The following CBFA2T3 variants were observed in gnomAD, a reference collection of about 807,000 sequenced individuals.
The protein encoded by CBFA2T3 is CBFA2/RUNX1 partner transcriptional co-repressor 3.
In CBFA2T3, 31 loss-of-function variants were observed where a neutral mutation model predicts 58.6. The observed-to-expected ratio is 0.53, with a 90% CI of 0.40 to 0.71. The LOEUF (loss-of-function observed/expected upper bound fraction) is 0.71, where lower values mean the gene tolerates loss of function less well. Among genes scored for constraint, CBFA2T3 ranks in the 30% least tolerant of loss-of-function variants. The pLI, the probability that CBFA2T3 is intolerant of heterozygous loss-of-function variation, is 0.00. For missense variants in CBFA2T3, 1,076 were observed against 963.1 expected, an observed-to-expected ratio of 1.12 and a Z score of -1.55; for synonymous variants, 531 against 421.9, an observed-to-expected ratio of 1.26 and a Z score of -3.17.
chr16:88,905,727 A>G (rs1293993004), intron 1 of CBFA2T3, among the ~76,000 whole-genome samples: 14 of 30,980 alleles, frequency 4.5e-4, no homozygotes, highest in Non-Finnish European at 6.4e-4. Flanking sequence ...GCGGGGCTGA[A>G]GGAGGGGCGG....
rs939999470 is a variant in CBFA2T3, at chr16:88,977,181, C to A, written c.-374G>T. On this transcript the variant is annotated 5_prime_UTR_variant, in exon 1 of 12. Transcript: ENST00000268679. ...GAACCATCTGGGGCCCTGCCCTGCG[C>A]GGCCTTCCCTCGGGCCATTCCGGTT... 2 of 274,650 alleles carry A rather than the reference C, an allele frequency of 7.3e-6. No homozygotes were observed. The highest frequency in any genetic ancestry group is 1.4e-5 in the Non-Finnish European group (2 of 143,274). 17.0% of individuals were successfully genotyped at this position (274,650 alleles called of 1,614,324 possible).
At chr16:88,933,980 T>C (rs1426041857) in intron 1 of CBFA2T3, among the ~76,000 whole-genome samples, 3 of 152,204 alleles carry the variant, frequency 2.0e-5, no homozygotes. Flanking sequence ...TAAAAATCAG[T>C]GCATGTCGAA....
intron 3 of CBFA2T3, 94 bp from the exon 4 acceptor site, chr16:88,892,579 C>T (rs980643368): frequency 2.8e-6 from 4 of 1,405,322 alleles, no homozygotes; most frequent in Non-Finnish European, 4.0e-6. Flanking sequence ...ACTAAGGTGA[C>T]AATGTCAAAA....
chr16:88,963,253 A>ATCTTCTGCCAGGGGTGGGCGCTCG (rs71158772), intron 1 of CBFA2T3, among the ~76,000 whole-genome samples: 35,622 of 114,386 alleles, frequency 0.31, 8,180 homozygotes, highest in Middle Eastern at 0.56. Flanking sequence ...GTGGGCGCTC[A>ATCTTCTGCCAGGGGTGGGCGCTCG]TCTTCTGCCA....
intron 1 of CBFA2T3, among the ~76,000 whole-genome samples, chr16:88,945,570 G>A (rs1597775091): frequency 6.6e-6 from 1 of 152,334 alleles, no homozygotes; most frequent in Non-Finnish European, 1.5e-5. Flanking sequence ...CACAGGAAAC[G>A]ATGCCCAGCA....
At chr16:88,976,291 A>T (rs1972858554) in intron 1 of CBFA2T3, among the ~76,000 whole-genome samples, 1 of 152,226 alleles carries the variant, frequency 6.6e-6, no homozygotes, top group East Asian at 1.9e-4. Flanking sequence ...AGGGCATCCC[A>T]GGAGGAGGAG....
intron 1 of CBFA2T3, among the ~76,000 whole-genome samples, chr16:88,923,650 C>T (rs948244733): frequency 2.0e-4 from 31 of 152,206 alleles, no homozygotes; most frequent in African/African-American, 7.0e-4. Context: ...CAGCACAGCT[C>T]GGGGAGGGAG....
chr16:88,914,493 A>G (rs1276785180), intron 1 of CBFA2T3, among the ~76,000 whole-genome samples: 1 of 152,218 alleles, frequency 6.6e-6, no homozygotes, highest in African/African-American at 2.4e-5. Context: ...TCTATTTTGG[A>G]AATAAAAACA....
chr16:88,894,403 GCA>G (rs554972109), intron 3 of CBFA2T3, among the ~76,000 whole-genome samples: 44 of 109,442 alleles, frequency 4.0e-4, no homozygotes, highest in African/African-American at 1.2e-3. Context: ...ACACACACAT[GCA>G]CACACACATG....
At chr16:88,936,158 G>A (rs1415378526) in intron 1 of CBFA2T3, among the ~76,000 whole-genome samples, 2 of 152,144 alleles carry the variant, frequency 1.3e-5, no homozygotes, top group East Asian at 3.9e-4. Context: ...ACTGGGCGGG[G>A]ACTTCCTCAT....
chr16:88,966,131 C>T (rs1220235808), intron 1 of CBFA2T3, among the ~76,000 whole-genome samples: 1 of 152,224 alleles, frequency 6.6e-6, no homozygotes, highest in Non-Finnish European at 1.5e-5. Context: ...GTGGGCTTTC[C>T]CGGTTTGTGT....
At chr16:88,969,513 G>A (rs1030473192) in intron 1 of CBFA2T3, among the ~76,000 whole-genome samples, 6 of 152,202 alleles carry the variant, frequency 3.9e-5, no homozygotes, top group East Asian at 1.9e-4. Flanking sequence ...GGAGGGGCTC[G>A]CCGCCACCCC....
Position 88,895,207 on chromosome 16 carries a change from C to A in CBFA2T3, c.380-2722G>T, listed in dbSNP as rs893516432. Among the ~76,000 whole-genome samples, 6 of 152,228 alleles carry A rather than the reference C, an allele frequency of 3.9e-5. No individual in the cohort carries two copies. In the East Asian group the frequency reaches 1.2e-3, roughly 29 times the overall value. ...GGCCGCACCCTCCAGAGGGCACTGA[C>A]CAGCCCGTACCTCCAACAAGGCCCT... is the stretch of plus-strand genomic sequence containing the variant. On this transcript the variant is annotated intron_variant, in intron 3 of 11. Transcript: ENST00000268679.
intron 1 of CBFA2T3, among the ~76,000 whole-genome samples, chr16:88,915,731 A>G (rs1229175642): frequency 3.8e-5 from 1 of 26,050 alleles, no homozygotes. Flanking sequence ...GGGAGCGTGG[A>G]AGGGGGAGCG....
intron 1 of CBFA2T3, among the ~76,000 whole-genome samples, chr16:88,930,694 T>TG (rs1161266713): frequency 2.0e-4 from 11 of 54,554 alleles, no homozygotes; most frequent in Admixed American, 8.1e-4. Context: ...AGCGAGGAGA[T>TG]GGGGAGGGGG....
intron 1 of CBFA2T3, among the ~76,000 whole-genome samples, chr16:88,924,159 G>A (rs1004039155): frequency 2.6e-5 from 4 of 152,148 alleles, no homozygotes; most frequent in African/African-American, 9.7e-5. Context: ...GGGGCAGGTG[G>A]TGGTCATGTC....
At chr16:88,919,610 C>T (rs534558512) in intron 1 of CBFA2T3, among the ~76,000 whole-genome samples, 124 of 152,328 alleles carry the variant, frequency 8.1e-4, no homozygotes, top group African/African-American at 2.8e-3. Context: ...CCAAACTGCA[C>T]GCATGGTGCA....
At chr16:88,941,189 C>A (rs1167994181) in intron 1 of CBFA2T3, 3 of 981,730 alleles carry the variant, frequency 3.1e-6, no homozygotes, top group Non-Finnish European at 3.6e-6. Context: ...CTGGGGCGCG[C>A]GGGGCGGCCG....
intron 1 of CBFA2T3, among the ~76,000 whole-genome samples, chr16:88,920,549 T>G (rs1277102177): frequency 1.3e-5 from 2 of 151,902 alleles, no homozygotes; most frequent in East Asian, 3.9e-4. Context: ...CTTCTCAAAG[T>G]GCTGGGATTA....
Sources: allele counts gnomAD v4.1 joint callset (sites outside exome capture counted in the v4.1 genomes callset), GRCh38; gene constraint gnomAD v4.1.1; transcripts MANE v1.5; gene names NCBI Gene and HGNC (gene_info 2026-07-23, HGNC 2026-07-21).